MYT1L: variants seen among roughly 807,000 people sequenced by gnomAD.
MYT1L encodes myelin transcription factor 1 like.
In MYT1L, 12 loss-of-function variants were observed where a neutral mutation model predicts 126.7. The observed-to-expected ratio is 0.09, with a 90% CI of 0.06 to 0.15. The LOEUF (loss-of-function observed/expected upper bound fraction) is 0.15, where lower values mean the gene tolerates loss of function less well. Among genes scored for constraint, MYT1L ranks in the 10% least tolerant of loss-of-function variants. MYT1L has a pLI of 1.00. For synonymous variants in MYT1L, 541 were observed against 604.2 expected, an observed-to-expected ratio of 0.90 and a Z score of 1.53; for missense variants, 979 against 1,585.2, an observed-to-expected ratio of 0.62 and a Z score of 6.49.
chr2:2,104,557 G>T (rs551739540), intron 3 of MYT1L, among the ~76,000 whole-genome samples: 1 of 152,208 alleles, frequency 6.6e-6, no homozygotes, highest in Admixed American at 6.5e-5. Flanking sequence ...TGGCAACAGC[G>T]GCTCCAAGGC....
At chr2:2,060,811 T>TCTCTCTCTCTTTCC (rs1439110165) in intron 3 of MYT1L, among the ~76,000 whole-genome samples, 2 of 147,834 alleles carry the variant, frequency 1.4e-5, no homozygotes, top group African/African-American at 5.0e-5. Flanking sequence ...TTTCCTCTTC[T>TCTCTCTCTCTTTCC]CTCTCTCTCT....
At chr2:2,221,171 G>C (rs1186900192) in intron 2 of MYT1L, among the ~76,000 whole-genome samples, 1 of 152,144 alleles carries the variant, frequency 6.6e-6, no homozygotes, top group Admixed American at 6.5e-5. Context: ...GATCCTAAGA[G>C]TACAGAGTTA....
intron 4 of MYT1L, among the ~76,000 whole-genome samples, chr2:2,025,925 G>C (rs2065505687): frequency 6.6e-6 from 1 of 152,232 alleles, no homozygotes; most frequent in South Asian, 2.1e-4. Context: ...TCATGTGCCT[G>C]ATTGGGACAA....
At chr2:2,127,709 C>T (rs1270012522) in intron 3 of MYT1L, among the ~76,000 whole-genome samples, 1 of 152,220 alleles carries the variant, frequency 6.6e-6, no homozygotes, top group African/African-American at 2.4e-5. Context: ...CAGTGCTCCA[C>T]TGAGCTGCTG....
chr2:1,791,622 A>T lies in MYT1L; in HGVS notation c.*245T>A, dbSNP rs1307437028. 2.1e-6 allele frequency: 1 copy of T among 479,348 alleles called. No individual in the cohort carries two copies. Among genetic ancestry groups the T allele is most frequent in the Non-Finnish European group, 3.7e-6 (1 of 272,622 alleles). 29.7% of individuals were successfully genotyped at this position (479,348 alleles called of 1,614,324 possible). ...CCCAAATGTGCATACATCAGCAGCT[A>T]TAAACATTACATGGCAGAACACTAT... is the stretch of plus-strand genomic sequence containing the variant. On this transcript the variant is annotated 3_prime_UTR_variant, in exon 25 of 25. Transcript: ENST00000647738. This position sits in a 1 kb window ranked among gnomAD's most constrained non-coding sequence, Gnocchi z 6.0.
At chr2:1,937,168 C>T (rs974333055) in intron 9 of MYT1L, among the ~76,000 whole-genome samples, 6 of 152,198 alleles carry the variant, frequency 3.9e-5, no homozygotes, top group Admixed American at 1.3e-4. Context: ...GGGCACACTC[C>T]TCCAACAAAA....
chr2:1,892,322 G>A (rs1558300707), intron 14 of MYT1L, 35 bp from the exon 15 acceptor site: 2 of 1,538,806 alleles, frequency 1.3e-6, no homozygotes, highest in Non-Finnish European at 1.8e-6. Flanking sequence ...CTCAGGCCCC[G>A]GCCGCAGGGC....
At chr2:2,166,275 C>T (rs1179591425) in intron 3 of MYT1L, among the ~76,000 whole-genome samples, 1 of 152,166 alleles carries the variant, frequency 6.6e-6, no homozygotes, top group Non-Finnish European at 1.5e-5. Flanking sequence ...CCTCATTAAA[C>T]AGGAAGCCCT....
chr2:2,217,358 C>T (rs2093705468), intron 2 of MYT1L, among the ~76,000 whole-genome samples: 1 of 152,010 alleles, frequency 6.6e-6, no homozygotes, highest in Non-Finnish European at 1.5e-5. Flanking sequence ...TGAAAGTCAA[C>T]CAATGTAACT....
intron 2 of MYT1L, among the ~76,000 whole-genome samples, chr2:2,276,627 G>A (rs1311974887): frequency 1.3e-5 from 2 of 152,104 alleles, no homozygotes; most frequent in East Asian, 3.9e-4. Context: ...CACATGCAAC[G>A]ATGGTGTTAG....
At chr2:2,271,413 A>C (rs2095260871) in intron 2 of MYT1L, among the ~76,000 whole-genome samples, 1 of 152,324 alleles carries the variant, frequency 6.6e-6, no homozygotes, top group Admixed American at 6.5e-5. Flanking sequence ...AGGATGGCTT[A>C]AAAAGCTCCC....
In MYT1L at chr2:2,309,338, C is replaced by A. The variant is rs544106976; in HGVS notation, c.-521+21629G>T. ...GTATACTCTATCTATACTCTATCTA[C>A]ACTTCAGTATACTCTATCTATTCTC... On this transcript the variant is annotated intron_variant, in intron 1 of 24. Coordinates refer to ENST00000647738, the MANE Select transcript of MYT1L (RefSeq NM_001303052.2). Among the ~76,000 whole-genome samples, 127 of 151,666 alleles carry A rather than the reference C, an allele frequency of 8.4e-4. 1 individual carries two copies. Among genetic ancestry groups the A allele is most frequent in the South Asian group, 4.4e-3 (21 of 4,794 alleles).
intron 19 of MYT1L, among the ~76,000 whole-genome samples, chr2:1,847,410 T>C (rs557894705): frequency 1.3e-5 from 2 of 152,282 alleles, no homozygotes; most frequent in Non-Finnish European, 2.9e-5. Flanking sequence ...GACTTCTGCA[T>C]TGGAACAACT....
intron 22 of MYT1L, among the ~76,000 whole-genome samples, chr2:1,804,133 T>A (rs2035317131): frequency 6.6e-6 from 1 of 152,168 alleles, no homozygotes; most frequent in South Asian, 2.1e-4. Context: ...GTTGTTTGTT[T>A]GTTTTGAGAT....
At chr2:1,822,325 T>C (rs980157936) in intron 21 of MYT1L, among the ~76,000 whole-genome samples, 14 of 152,216 alleles carry the variant, frequency 9.2e-5, no homozygotes, top group Admixed American at 9.2e-4. Flanking sequence ...ATATATGTGA[T>C]TTCAGTCTGC....
In MYT1L at chr2:2,177,398, T is replaced by C. The variant is rs1199384053; in HGVS notation, c.-420-4410A>G. On this transcript the variant is annotated intron_variant, in intron 2 of 24. Transcript: ENST00000647738. ...CAATCTAAGACTGACCTATAAGCAC[T>C]GACAAGGCAGAATCCTTAAGATGTG... 2.6e-5 allele frequency among the ~76,000 whole-genome samples: 4 copies of C among 152,226 alleles called. No individual in the cohort carries two copies. The East Asian group carries it at 7.7e-4, about 29-fold the overall frequency.
chr2:1,851,768 T>A, intron 18 of MYT1L, 65 bp from the exon 19 acceptor site: 2 of 1,493,834 alleles, frequency 1.3e-6, no homozygotes, highest in Non-Finnish European at 1.9e-6. Flanking sequence ...CAATTAACTT[T>A]TTTTTAATCC....
intron 8 of MYT1L, among the ~76,000 whole-genome samples, chr2:1,965,193 T>A (rs930496351): frequency 1.4e-5 from 2 of 144,410 alleles, no homozygotes; most frequent in Admixed American, 1.4e-4. Context: ...AGGCACTCTG[T>A]GACTTGCAGG....
intron 4 of MYT1L, among the ~76,000 whole-genome samples, chr2:2,041,976 C>A (rs1259912612): frequency 1.3e-5 from 2 of 152,162 alleles, no homozygotes; most frequent in South Asian, 2.1e-4. Flanking sequence ...CCAAAAAAAT[C>A]ATCTTTAAGC....
Sources: gnomAD v4.1 joint callset for allele counts (sites outside exome capture counted in the v4.1 genomes callset) on GRCh38, gnomAD v4.1.1 for gene constraint, Gnocchi (gnomAD v3.1) non-coding constraint, MANE v1.5 for transcripts, NCBI Gene and HGNC (gene_info 2026-07-23, HGNC 2026-07-21) for gene names.